Variants in NFASC observed in about 807,000 individuals in gnomAD.
NFASC encodes the protein neurofascin homolog.
A neutral mutation model predicts 147.5 loss-of-function variants in NFASC; 43 were observed. The observed-to-expected ratio is 0.29, with a 90% confidence interval of 0.23 to 0.38. The LOEUF is 0.38. Among genes scored for constraint, NFASC ranks in the 10% least tolerant of loss-of-function variants. The pLI, the probability that NFASC is intolerant of heterozygous loss-of-function variation, is 1.00. For synonymous variants in NFASC, 622 were observed against 665.5 expected (o/e 0.93, Z 1.01); for missense variants, 1,320 against 1,689.0 (o/e 0.78, Z 3.83).
intron 4 of NFASC, among the ~76,000 whole-genome samples, chr1:204,951,726 C>A (rs2094139900): frequency 6.6e-6 from 1 of 152,124 alleles, no homozygotes; most frequent in Non-Finnish European, 1.5e-5. Context: ...GCTTCTGCCT[C>A]CCAAAGTGCT....
intron 1 of NFASC, among the ~76,000 whole-genome samples, chr1:204,890,974 C>G (rs1572580151): frequency 6.6e-6 from 1 of 152,322 alleles, no homozygotes; most frequent in Non-Finnish European, 1.5e-5. Context: ...CAGGCCTTCT[C>G]CCAAGGATAG....
intron 1 of NFASC, among the ~76,000 whole-genome samples, chr1:204,860,026 C>A (rs2076521273): frequency 6.6e-6 from 1 of 152,120 alleles, no homozygotes; most frequent in Admixed American, 6.5e-5. Context: ...GGAGGGGTTA[C>A]CCGGCAGAAG....
chr1:204,997,139 C>T, intron 24 of NFASC, 31 bp from the exon 25 acceptor site: 1 of 1,588,998 alleles, frequency 6.3e-7, no homozygotes, highest in South Asian at 1.1e-5. Context: ...CCAAACCAAC[C>T]AGACTCGGCT....
intron 1 of NFASC, among the ~76,000 whole-genome samples, chr1:204,887,900 T>C (rs1345495872): frequency 6.6e-6 from 1 of 152,150 alleles, no homozygotes; most frequent in Non-Finnish European, 1.5e-5. Flanking sequence ...ACCTGGCCCC[T>C]GATTGGCTGT....
chr1:204,926,392 ATATATATATATATATTTTTTTT>A (rs1211804897), intron 2 of NFASC, among the ~76,000 whole-genome samples: 11 of 13,758 alleles, frequency 8.0e-4, no homozygotes, highest in African/African-American at 1.7e-3. Context: ...ATATATATAT[ATATATATATATATATTTTTTTT>A]TTTTTTTTTT....
intron 2 of NFASC, among the ~76,000 whole-genome samples, chr1:204,925,808 C>G (rs1558122461): frequency 6.6e-6 from 1 of 152,226 alleles, no homozygotes; most frequent in Non-Finnish European, 1.5e-5. Flanking sequence ...ATGTCATGAG[C>G]AGATGTGTCC....
intron 1 of NFASC, among the ~76,000 whole-genome samples, chr1:204,912,477 A>G (rs2087834922): frequency 6.6e-6 from 1 of 150,860 alleles, no homozygotes; most frequent in Non-Finnish European, 1.5e-5. Context: ...CAGGTGGATT[A>G]CCTGAGGCCA....
chr1:204,974,721 C>G lies in NFASC; in HGVS notation c.1456C>G (p.Leu486Val), dbSNP rs368738014. Reference sequence around the variant, plus strand: ...CTACCATGTTTATGAGAACGGCAGTCTGGAAATTAAGATGATCCGCAAAGA... The same window carrying G: ...CTACCATGTTTATGAGAACGGCAGTGTGGAAATTAAGATGATCCGCAAAGA... ...GNYHVYENGS[L>V]EIKMIRKEDQ... The change falls in exon 14 of 30, where the codon CTG becomes GTG. Residue 486 changes from leucine to valine, a missense_variant. Physicochemically the swap from Leu to Val is conservative, Grantham distance 32. This residue lies in a region of NFASC where 981 missense variants were observed against 1,289.5 expected (regional missense o/e 0.76). Coordinates refer to ENST00000339876, the MANE Select transcript of NFASC (RefSeq NM_001005388.3). The G allele has an allele frequency of 5.0e-6, 8 of 1,614,184 alleles. No individual in the cohort carries two copies. The highest frequency in any genetic ancestry group is 6.8e-6 in the Non-Finnish European group (8 of 1,180,034).
At chr1:204,948,428 T>G (rs1161539769) in intron 3 of NFASC, among the ~76,000 whole-genome samples, 2 of 152,166 alleles carry the variant, frequency 1.3e-5, no homozygotes, top group African/African-American at 4.8e-5. Context: ...GTATGGGGGC[T>G]GGGGACAGCA....
At chr1:204,925,227 G>T (rs1459757405) in intron 2 of NFASC, among the ~76,000 whole-genome samples, 7 of 152,182 alleles carry the variant, frequency 4.6e-5, no homozygotes, top group African/African-American at 1.7e-4. Context: ...ATGTACATTA[G>T]CTCATTAATT....
intron 1 of NFASC, among the ~76,000 whole-genome samples, chr1:204,861,407 T>G (rs1175159376): frequency 6.6e-6 from 1 of 151,374 alleles, no homozygotes; most frequent in Non-Finnish European, 1.5e-5. Flanking sequence ...TGCTTTCAAT[T>G]CTTCTGGGTA....
At chr1:204,834,652 G>A (rs903727223) in intron 1 of NFASC, among the ~76,000 whole-genome samples, 7 of 152,094 alleles carry the variant, frequency 4.6e-5, no homozygotes, top group Non-Finnish European at 1.5e-5. Flanking sequence ...CAGAAAGAAG[G>A]CCCCAATCTG....
At position 204,975,181 on chromosome 1, in the gene NFASC, C is replaced by T. The variant is rs1338016237; in HGVS notation, c.1559-90C>T. On this transcript the variant is annotated intron_variant, in intron 14 of 29. Coordinates refer to ENST00000339876, the MANE Select transcript of NFASC (RefSeq NM_001005388.3). This position sits in a 1 kb window ranked among gnomAD's most constrained non-coding sequence, Gnocchi z 4.0. The stretch of plus-strand genomic sequence containing the variant: ...GCCCCACTCCATAGTTGGCCCAAGG[C>T]CTCGAGGGCAGACATATGCCACTTT... 2.1e-6 allele frequency: 3 copies of T among 1,440,612 alleles called. No individual in the cohort carries two copies. The highest frequency in any genetic ancestry group is 1.9e-6 in the Non-Finnish European group (2 of 1,061,064). 89.2% of individuals were successfully genotyped at this position (1,440,612 alleles called of 1,614,324 possible).
At chr1:204,914,742 T>C (rs2088714702) in intron 1 of NFASC, among the ~76,000 whole-genome samples, 1 of 152,204 alleles carries the variant, frequency 6.6e-6, no homozygotes, top group Non-Finnish European at 1.5e-5. Flanking sequence ...TTGCTGGTGG[T>C]AGTATAAATT....
At position 204,954,202 on chromosome 1, in the gene NFASC, G is replaced by T; in HGVS notation, c.230G>T (p.Arg77Leu). ...GNPAPSFHWT[R>L]NSRFFNIAKD... The stretch of plus-strand genomic sequence containing the variant: ...ACTCTCCACAGCTTCCACTGGACAC[G>T]AAACAGCAGATTCTTCAACATCGCC... The change falls in exon 6 of 30, where the codon CGA (arginine) becomes CTA (leucine). Residue 77 changes from arginine (R) to leucine (L), a missense_variant. Arg to Leu is a moderately radical substitution (Grantham distance 102). Transcript: ENST00000339876. The surrounding 1 kb of genome is among the most constrained non-coding windows in gnomAD (Gnocchi z 5.7). The T allele has an allele frequency of 6.2e-7, 1 of 1,614,166 alleles. No individual in the cohort carries two copies. Among genetic ancestry groups the T allele is most frequent in the Non-Finnish European group, 8.5e-7 (1 of 1,180,032 alleles).
At chr1:204,940,165 G>A (rs1309599671) in intron 2 of NFASC, among the ~76,000 whole-genome samples, 2 of 152,176 alleles carry the variant, frequency 1.3e-5, no homozygotes, top group Non-Finnish European at 2.9e-5. Context: ...AAAGTGCACA[G>A]CTCAAAGCCG....
At chr1:204,947,545 T>C (rs2093830434) in intron 3 of NFASC, among the ~76,000 whole-genome samples, 1 of 152,152 alleles carries the variant, frequency 6.6e-6, no homozygotes, top group Non-Finnish European at 1.5e-5. Flanking sequence ...GCACAATCCC[T>C]CATTGAAGGC....
chr1:204,842,270 C>T (rs1675565050), intron 1 of NFASC, among the ~76,000 whole-genome samples: 1 of 152,214 alleles, frequency 6.6e-6, no homozygotes, highest in African/African-American at 2.4e-5. Flanking sequence ...GCTGATTCTT[C>T]TCTTATGTAT....
chr1:204,847,202 G>C (rs748723730), intron 1 of NFASC, among the ~76,000 whole-genome samples: 6 of 152,074 alleles, frequency 3.9e-5, no homozygotes, highest in Non-Finnish European at 7.4e-5. Context: ...CATAGCAGCA[G>C]CAACAGTAGT....
Sources: gnomAD v4.1 joint callset for allele counts (sites outside exome capture counted in the v4.1 genomes callset) on GRCh38, gnomAD v4.1.1 for gene constraint, gnomAD v4.1.1 regional missense constraint, Gnocchi (gnomAD v3.1) non-coding constraint, MANE v1.5 for transcripts, NCBI Gene and HGNC (gene_info 2026-07-23, HGNC 2026-07-21) for gene names.